The following DOCK2 variants were observed in gnomAD, a reference collection of about 807,000 sequenced individuals.
DOCK2 encodes dedicator of cytokinesis protein 2.
A neutral mutation model predicts 248.9 loss-of-function variants in DOCK2; 87 were observed. That is an observed-to-expected ratio of 0.35 (90% CI 0.29 to 0.42). The LOEUF (loss-of-function observed/expected upper bound fraction) is 0.42, where lower values mean the gene tolerates loss of function less well. Ranked by LOEUF, DOCK2 falls within the 10% of genes least tolerant of loss-of-function variation. The pLI, the probability that DOCK2 is intolerant of heterozygous loss-of-function variation, is 1.00. For synonymous variants in DOCK2, 805 were observed against 821.6 expected (o/e 0.98, Z 0.35); for missense variants, 1,747 against 2,300.2 (o/e 0.76, Z 4.92).
intron 39 of DOCK2, 122 bp downstream of exon 39, chr5:170,046,027 C>A (rs6884929): frequency 2.8e-5 from 24 of 855,374 alleles, no homozygotes; most frequent in Non-Finnish European, 4.1e-5. Context: ...AGAAAATGAA[C>A]GGAAGTAGGA....
chr5:169,678,366 T>C (rs1347350542), intron 6 of DOCK2, among the ~76,000 whole-genome samples: 3 of 151,886 alleles, frequency 2.0e-5, no homozygotes, highest in Non-Finnish European at 4.4e-5. Context: ...CAGGTTCAAG[T>C]GATTCTCCTG....
At chr5:169,842,493 G>T (rs995855053) in intron 27 of DOCK2, among the ~76,000 whole-genome samples, 1 of 152,136 alleles carries the variant, frequency 6.6e-6, no homozygotes, top group Non-Finnish European at 1.5e-5. Context: ...AAGTAGCTGG[G>T]ACTACCAGCG....
chr5:169,820,331 G>A (rs1055332764), intron 26 of DOCK2, among the ~76,000 whole-genome samples: 7 of 152,308 alleles, frequency 4.6e-5, no homozygotes, highest in African/African-American at 1.4e-4. Flanking sequence ...CCTCAAGTGG[G>A]TCCCTGACCC....
intron 27 of DOCK2, among the ~76,000 whole-genome samples, chr5:169,927,079 A>G (rs550666470): frequency 6.6e-6 from 1 of 152,362 alleles, no homozygotes; most frequent in African/African-American, 2.4e-5. Flanking sequence ...CTTCATAAAT[A>G]TGCTACATGA....
intron 28 of DOCK2, among the ~76,000 whole-genome samples, chr5:169,985,514 C>T (rs1234261741): frequency 6.6e-6 from 1 of 152,074 alleles, no homozygotes; most frequent in Non-Finnish European, 1.5e-5. Flanking sequence ...ATTTCCTTCT[C>T]AAATACATAT....
intron 1 of DOCK2, among the ~76,000 whole-genome samples, chr5:169,642,568 T>C (rs1350764141): frequency 6.6e-6 from 1 of 152,198 alleles, no homozygotes; most frequent in Non-Finnish European, 1.5e-5. Flanking sequence ...TACCTTTGGA[T>C]TGGTCCCCAG....
intron 22 of DOCK2, among the ~76,000 whole-genome samples, chr5:169,735,183 T>C (rs1305495202): frequency 6.6e-6 from 1 of 152,190 alleles, no homozygotes; most frequent in African/African-American, 2.4e-5. Flanking sequence ...TATTTCTTTT[T>C]ATTCTTCTTA....
intron 26 of DOCK2, among the ~76,000 whole-genome samples, chr5:169,805,254 T>G (rs1378938816): frequency 6.6e-6 from 1 of 151,564 alleles, no homozygotes; most frequent in African/African-American, 2.4e-5. Context: ...GAAAAGAAAT[T>G]TGCCGGGTGT....
intron 22 of DOCK2, among the ~76,000 whole-genome samples, chr5:169,736,049 C>T (rs899871520): frequency 2.6e-5 from 4 of 152,090 alleles, no homozygotes; most frequent in Admixed American, 2.0e-4. Context: ...AGAACTCACT[C>T]ACTGTCATGA....
At chr5:169,740,084 A>G (rs1005960486) in intron 22 of DOCK2, among the ~76,000 whole-genome samples, 45 of 152,278 alleles carry the variant, frequency 3.0e-4, no homozygotes, top group African/African-American at 1.1e-3. Context: ...CAAATTACAT[A>G]AAGTGTGCAG....
At chr5:169,901,060 C>A (rs1310945073) in intron 27 of DOCK2, among the ~76,000 whole-genome samples, 1 of 151,990 alleles carries the variant, frequency 6.6e-6, no homozygotes, top group Admixed American at 6.5e-5. Context: ...ATGTTGTGAC[C>A]AAAAAATAGA....
At position 169,840,766 on chromosome 5, in the gene DOCK2, T is replaced by C. The variant is rs1333876535; in HGVS notation, c.2713T>C (p.Tyr905His). The stretch of plus-strand genomic sequence containing the variant: ...TCTGACTGTTTTACAGGCCTTCACC[T>C]ACCACCATATCCAGGAGATCATGGT... ...VLSYQDAAFT[Y>H]HHIQEIMVQL... The change falls in exon 27 of 52, where the codon TAC (tyrosine) becomes CAC (histidine). Residue 905 changes from tyrosine (Y) to histidine (H), a missense_variant. By Grantham distance (83) the Tyr-to-His change is moderately conservative. Transcript: ENST00000520908. The C allele has an allele frequency of 6.2e-7, 1 of 1,613,912 alleles. No individual in the cohort carries two copies. The highest frequency in any genetic ancestry group is 8.5e-7 in the Non-Finnish European group (1 of 1,179,916).
At chr5:169,675,167 G>A (rs896990419) in intron 6 of DOCK2, among the ~76,000 whole-genome samples, 16 of 152,190 alleles carry the variant, frequency 1.1e-4, no homozygotes, top group African/African-American at 3.9e-4. Context: ...GTCCAGAGTC[G>A]CGCAGCTAGT....
chr5:170,006,153 G>A (rs1380076641), intron 30 of DOCK2, among the ~76,000 whole-genome samples: 1 of 152,222 alleles, frequency 6.6e-6, no homozygotes, highest in Non-Finnish European at 1.5e-5. Flanking sequence ...AAGTCACTGG[G>A]ATGCCGGGAG....
chr5:169,968,965 A>C (rs1463539112), intron 27 of DOCK2, among the ~76,000 whole-genome samples: 1 of 152,316 alleles, frequency 6.6e-6, no homozygotes, highest in East Asian at 1.9e-4. Context: ...CCTGGATAAC[A>C]TGGTGATACC....
rs79186523 is a variant in DOCK2 at position 169,849,492 on chromosome 5, C to T, written c.2799+8640C>T. On this transcript the variant is annotated intron_variant, in intron 27 of 51. Coordinates refer to ENST00000520908, the MANE Select transcript of DOCK2 (RefSeq NM_004946.3). ...AATTGAGCACTTTGAACTCAGTTGC[C>T]GCCTTGCCTAGATCATGGAATCTAA... Among the ~76,000 whole-genome samples, 21 of 152,280 alleles carry T rather than the reference C, an allele frequency of 1.4e-4. No individual in the cohort carries two copies. The East Asian group carries it at 3.3e-3, about 24-fold the overall frequency.
chr5:169,718,550 G>T, intron 21 of DOCK2, 107 bp from the exon 22 acceptor site: 2 of 1,207,774 alleles, frequency 1.7e-6, no homozygotes, highest in Non-Finnish European at 2.2e-6. Flanking sequence ...AAGTGAGCTT[G>T]GCTCTACTAC....
At chr5:169,924,701 C>CT (rs983037337) in intron 27 of DOCK2, among the ~76,000 whole-genome samples, 4 of 152,106 alleles carry the variant, frequency 2.6e-5, no homozygotes, top group Non-Finnish European at 5.9e-5. Context: ...ATCTGAGAGG[C>CT]TTTTTTTGAA....
chr5:169,806,315 T>TTAA (rs1767358628), intron 26 of DOCK2, among the ~76,000 whole-genome samples: 1 of 149,374 alleles, frequency 6.7e-6, no homozygotes, highest in Non-Finnish European at 1.5e-5. Context: ...AATTAGTTAA[T>TTAA]TAATTAATTA....
Sources: allele counts gnomAD v4.1 joint callset (sites outside exome capture counted in the v4.1 genomes callset), GRCh38; gene constraint gnomAD v4.1.1; transcripts MANE v1.5; gene names NCBI Gene and HGNC (gene_info 2026-07-23, HGNC 2026-07-21).